ABR: variants seen among roughly 807,000 people sequenced by gnomAD.
ABR encodes active breakpoint cluster region-related protein.
A neutral mutation model predicts 107.2 loss-of-function variants in ABR; 35 were observed. That is an observed-to-expected ratio of 0.33 (90% CI 0.25 to 0.43). ABR has a LOEUF of 0.43. ABR is among the 20% of genes least tolerant of loss of function. The pLI, the probability that ABR is intolerant of heterozygous loss-of-function variation, is 1.00. For missense variants in ABR, 815 were observed against 1,115.2 expected (o/e 0.73, Z 3.83); for synonymous variants, 498 against 462.0 (o/e 1.08, Z -1.00).
At position 1,057,305 on chromosome 17, in the gene ABR, GGTTTGTGTGT is replaced by G. The variant is rs1175426873; in HGVS notation, c.1382-213_1382-204del. On this transcript the variant is annotated intron_variant, in intron 12 of 22. Coordinates refer to ENST00000302538, the MANE Select transcript of ABR (RefSeq NM_021962.5). Reference sequence around the variant, plus strand: ...CAGAGTAGGAGAATCTAACTGAAGAGGTTTGTGTGTGTGTGTGTGTGTGTGTGTGTGTGTG... The same window carrying G: ...CAGAGTAGGAGAATCTAACTGAAGAGGTGTGTGTGTGTGTGTGTGTGTGTG... 4.8e-3 allele frequency among the ~76,000 whole-genome samples: 650 copies of G among 136,410 alleles called. 48 individuals carry two copies. The highest frequency in any genetic ancestry group is 0.012 in the South Asian group (49 of 4,074). 89.5% of individuals were successfully genotyped at this position (136,410 alleles called of 152,430 possible).
chr17:1,159,281 G>T (rs1414543326), intron 1 of ABR, among the ~76,000 whole-genome samples: 6 of 49,836 alleles, frequency 1.2e-4, no homozygotes, highest in African/African-American at 3.3e-4. Context: ...CTCACACACG[G>T]GAGAGGTAAG....
intron 16 of ABR, among the ~76,000 whole-genome samples, chr17:1,046,874 T>C (rs1237930566): frequency 6.6e-6 from 1 of 152,096 alleles, no homozygotes; most frequent in Non-Finnish European, 1.5e-5. Flanking sequence ...ACGACAAGGA[T>C]CACACGAGGA....
chr17:1,042,913 G>A (rs1481284544), intron 16 of ABR, among the ~76,000 whole-genome samples: 2 of 152,148 alleles, frequency 1.3e-5, no homozygotes, highest in Non-Finnish European at 2.9e-5. Context: ...GACACACAAC[G>A]GCATATGGGT....
rs1387174800 is a variant in ABR, at chr17:1,078,837, C to T, written c.700+493G>A. Reference sequence around the variant, plus strand: ...ACCATAGGTGCAGTTACAGCAGAAGCGAATAATGAGGAGAATCTCCATGGC... The same window carrying T: ...ACCATAGGTGCAGTTACAGCAGAAGTGAATAATGAGGAGAATCTCCATGGC... On this transcript the variant is annotated intron_variant, in intron 6 of 22. Coordinates refer to ENST00000302538, the MANE Select transcript of ABR (RefSeq NM_021962.5). This position sits in a 1 kb window ranked among gnomAD's most constrained non-coding sequence, Gnocchi z 7.5. 5.2e-6 allele frequency: 8 copies of T among 1,535,572 alleles called. No homozygotes were observed. In the South Asian group the frequency reaches 5.9e-5, roughly 11 times the overall value.
At chr17:1,137,200 C>A (rs535707581) in intron 1 of ABR, among the ~76,000 whole-genome samples, 1 of 152,060 alleles carries the variant, frequency 6.6e-6, no homozygotes, top group Non-Finnish European at 1.5e-5. Context: ...CCCGCCACCA[C>A]GCCCGGCTAA....
intron 16 of ABR, among the ~76,000 whole-genome samples, chr17:1,049,597 A>G (rs1385332802): frequency 6.6e-6 from 1 of 151,870 alleles, no homozygotes; most frequent in African/African-American, 2.4e-5. Context: ...CCTCCCCCCA[A>G]GCCAACCAGC....
chr17:1,025,369 TGTAA>T (rs1035035169), intron 16 of ABR, among the ~76,000 whole-genome samples: 17 of 152,184 alleles, frequency 1.1e-4, no homozygotes, highest in African/African-American at 3.1e-4. Context: ...AACAGCACCT[TGTAA>T]GTGTCACCTC....
chr17:1,057,752 G>C, intron 12 of ABR: 1 of 511,228 alleles, frequency 2.0e-6, no homozygotes, highest in Middle Eastern at 5.7e-4. Flanking sequence ...CTGGGCTCTG[G>C]GTCCAGTCCC....
rs1234131932 is a variant in ABR at position 1,073,685 on chromosome 17, G to A, written c.701-8C>T. On this transcript the variant is annotated splice_polypyrimidine_tract_variant and splice_region_variant and intron_variant, in intron 6 of 22. Coordinates refer to ENST00000302538, the MANE Select transcript of ABR (RefSeq NM_021962.5). ...TGGGCTTGTAGAGCAGAGCTGTCGG[G>A]GGAGACAGGGAGAAGGAGGAAGAGG... The A allele has an allele frequency of 6.2e-7, 1 of 1,600,628 alleles. No individual in the cohort carries two copies. Among genetic ancestry groups the A allele is most frequent in the South Asian group, 1.1e-5 (1 of 89,146 alleles).
intron 16 of ABR, 160 bp from the exon 17 acceptor site, chr17:1,013,324 G>A (rs1389065842): frequency 2.6e-6 from 2 of 756,486 alleles, no homozygotes; most frequent in South Asian, 1.7e-5. Flanking sequence ...CCCTTTGGGG[G>A]GACCCTAGCC....
At chr17:1,029,704 G>T (rs1220130478) in intron 16 of ABR, among the ~76,000 whole-genome samples, 1 of 152,188 alleles carries the variant, frequency 6.6e-6, no homozygotes, top group Non-Finnish European at 1.5e-5. Flanking sequence ...TGTGGCTGAG[G>T]ATAGAAAGCA....
intron 2 of ABR, among the ~76,000 whole-genome samples, chr17:1,111,034 G>A (rs925515767): frequency 2.0e-5 from 3 of 152,160 alleles, no homozygotes; most frequent in African/African-American, 4.8e-5. Context: ...CTGGTACCAC[G>A]GGTTCTTCTG....
intron 5 of ABR, among the ~76,000 whole-genome samples, chr17:1,081,476 CTA>C (rs1294289193): frequency 1.3e-5 from 2 of 152,206 alleles, no homozygotes; most frequent in African/African-American, 4.8e-5. Flanking sequence ...GGAGAAGAAA[CTA>C]TGGTCAGCCA....
At chr17:1,180,046 G>C (rs1274677507), upstream of ABR, among the ~76,000 whole-genome samples, 1 of 107,580 alleles carries the variant, frequency 9.3e-6, no homozygotes, top group East Asian at 2.4e-4. Flanking sequence ...TGCGGGGGCG[G>C]GGCTTTGGTG....
intron 6 of ABR, among the ~76,000 whole-genome samples, chr17:1,076,810 C>A (rs1415587953): frequency 6.6e-6 from 1 of 151,794 alleles, no homozygotes; most frequent in Non-Finnish European, 1.5e-5. Flanking sequence ...TTGTGCTCCC[C>A]ACGGCCCCTG....
rs1171443160 is a variant in ABR at position 1,076,640 on chromosome 17, G to A, written c.700+2690C>T. Among the ~76,000 whole-genome samples the A allele has an allele frequency of 2.7e-5, 4 of 149,446 alleles. No individual in the cohort carries two copies. In the East Asian group the frequency reaches 8.1e-4, roughly 30 times the overall value. On this transcript the variant is annotated intron_variant, in intron 6 of 22. Transcript: ENST00000302538. ...TTTCAGAGGGGTTATTAACATGTCT[G>A]TGGTCACCTCCAGAGTCCACCTGAG...
At chr17:1,106,681 C>G (rs868435454) in intron 2 of ABR, among the ~76,000 whole-genome samples, 24 of 152,098 alleles carry the variant, frequency 1.6e-4, no homozygotes, top group African/African-American at 5.1e-4. Flanking sequence ...AGACGCCCAC[C>G]ACTACGCCCG....
chr17:1,018,400 G>A lies in ABR; in HGVS notation c.1792-5236C>T, dbSNP rs191231984. Among the ~76,000 whole-genome samples, 208 of 152,282 alleles carry A rather than the reference G, an allele frequency of 1.4e-3. 1 individual carries two copies. Among genetic ancestry groups the A allele is most frequent in the African/African-American group, 4.6e-3 (193 of 41,566 alleles). On this transcript the variant is annotated intron_variant, in intron 16 of 22. Coordinates refer to ENST00000302538, the MANE Select transcript of ABR (RefSeq NM_021962.5). Reference sequence around the variant, plus strand: ...TGTATGTATTTATGGGGCGCAGTTCGATGTTTTGAGACCACCCCTTCTTGA... The same window carrying A: ...TGTATGTATTTATGGGGCGCAGTTCAATGTTTTGAGACCACCCCTTCTTGA...
In ABR at chr17:1,006,272, C is replaced by A. The variant is rs112718216; in HGVS notation, c.2491-103G>T. The A allele has an allele frequency of 8.4e-4, 884 of 1,054,154 alleles. 6 individuals carry two copies. The African/African-American group carries it at 0.013, about 15-fold the overall frequency. The allele number at this position is 1,054,154 out of a possible 1,614,324, so 65.3% of individuals were successfully genotyped here. A position where few individuals can be genotyped will look rare whatever the true frequency, so the allele number is the denominator to read the frequency against. ...CTCCCACTCCCTAGACTGGCTCCGG[C>A]CACCGCCCCTTCCTGGGGAGCCCAG... On this transcript the variant is annotated intron_variant, in intron 22 of 22. Transcript: ENST00000302538.
Sources: allele counts gnomAD v4.1 joint callset (sites outside exome capture counted in the v4.1 genomes callset), GRCh38; gene constraint gnomAD v4.1.1; non-coding constraint Gnocchi (gnomAD v3.1); transcripts MANE v1.5; gene names NCBI Gene and HGNC (gene_info 2026-07-23, HGNC 2026-07-21).